Variants in PUS7 observed in about 807,000 individuals in gnomAD.
PUS7 encodes pseudouridylate synthase 7 homolog.
Under a neutral mutation model 79.8 loss-of-function variants are expected in PUS7, and 48 were observed. That is an observed-to-expected ratio of 0.60 (90% confidence interval 0.48 to 0.76). The LOEUF is 0.76. Among genes scored for constraint, PUS7 ranks in the 30% least tolerant of loss-of-function variants. The pLI is 0.00. For missense variants in PUS7, 729 were observed against 797.6 expected (o/e 0.91, Z 1.04); for synonymous variants, 286 against 272.2 (o/e 1.05, Z -0.50).
rs189588274 is a variant in PUS7, at chr7:105,511,108, T to C, written c.-32-2564A>G. Among the ~76,000 whole-genome samples, 113 of 151,824 alleles carry C rather than the reference T, an allele frequency of 7.4e-4. 1 individual carries two copies. Among genetic ancestry groups the C allele is most frequent in the African/African-American group, 2.6e-3 (109 of 41,558 alleles). On this transcript the variant is annotated intron_variant, in intron 1 of 15. Coordinates refer to ENST00000469408, the MANE Select transcript of PUS7 (RefSeq NM_019042.5). ...GTGCAGTGGCACGATCTTGGCTTACTGCAAGCTCCGCCTCCCAGGTTCACA... is the reference window on the plus strand; with the variant it reads ...GTGCAGTGGCACGATCTTGGCTTACCGCAAGCTCCGCCTCCCAGGTTCACA...
intron 1 of PUS7, among the ~76,000 whole-genome samples, chr7:105,520,734 C>A (rs1326762265): frequency 3.3e-5 from 5 of 151,020 alleles, no homozygotes; most frequent in South Asian, 2.1e-4. Context: ...AAAAATAAAT[C>A]AAAAAACAAA....
At chr7:105,484,510 T>TA (rs35983237) in intron 7 of PUS7, among the ~76,000 whole-genome samples, 17 of 143,544 alleles carry the variant, frequency 1.2e-4, no homozygotes, top group African/African-American at 3.8e-4. Context: ...CTTTTTTTCT[T>TA]AAAAAAAAAA....
At chr7:105,479,355 C>T (rs139587257) in intron 9 of PUS7, among the ~76,000 whole-genome samples, 2 of 152,152 alleles carry the variant, frequency 1.3e-5, no homozygotes, top group East Asian at 3.9e-4. Context: ...ACTGGAAGCC[C>T]GGAAAACTCT....
intron 1 of PUS7, among the ~76,000 whole-genome samples, chr7:105,514,732 T>TCAGATTA (rs1825827264): frequency 6.6e-6 from 1 of 152,226 alleles, no homozygotes; most frequent in Non-Finnish European, 1.5e-5. Flanking sequence ...AATTTGTTTT[T>TCAGATTA]CAGATTACAG....
chr7:105,474,222 C>T (rs893601740), intron 9 of PUS7, among the ~76,000 whole-genome samples: 3 of 152,064 alleles, frequency 2.0e-5, no homozygotes, highest in Admixed American at 6.6e-5. Context: ...ATCTAAAATG[C>T]TATTTGGTAT....
chr7:105,465,631 G>A (rs964942303), intron 12 of PUS7, among the ~76,000 whole-genome samples: 1 of 151,266 alleles, frequency 6.6e-6, no homozygotes, highest in African/African-American at 2.4e-5. Flanking sequence ...TTGGGAGTTC[G>A]AGACCAGCCT....
At chr7:105,508,665 AG>A in intron 1 of PUS7, 121 bp from the exon 2 acceptor site, 1 of 1,318,390 alleles carries the variant, frequency 7.6e-7, no homozygotes, top group African/African-American at 1.5e-5. Flanking sequence ...AGATCACTTG[AG>A]GTCAGGAGTT....
At chr7:105,475,941 A>G (rs557803802) in intron 9 of PUS7, among the ~76,000 whole-genome samples, 4 of 152,020 alleles carry the variant, frequency 2.6e-5, no homozygotes, top group Non-Finnish European at 5.9e-5. Flanking sequence ...AAATCGTACC[A>G]TATTTGTTCT....
chr7:105,506,899 A>G (rs2133247762), intron 2 of PUS7, among the ~76,000 whole-genome samples: 1 of 152,306 alleles, frequency 6.6e-6, no homozygotes, highest in East Asian at 1.9e-4. Context: ...ATCACAAAAT[A>G]TGCTATATGG....
At chr7:105,489,134 C>G (rs1449117335) in intron 7 of PUS7, among the ~76,000 whole-genome samples, 1 of 96,184 alleles carries the variant, frequency 1.0e-5, no homozygotes, top group Non-Finnish European at 1.8e-5. Context: ...GGCAACAGAG[C>G]GAAACTCCAT....
At chr7:105,475,851 AC>A (rs1312865675) in intron 9 of PUS7, among the ~76,000 whole-genome samples, 1 of 151,854 alleles carries the variant, frequency 6.6e-6, no homozygotes, top group Non-Finnish European at 1.5e-5. Context: ...ATCCCTATCC[AC>A]CCAGCCCCCT....
At chr7:105,518,320 A>T (rs1309103266) in intron 1 of PUS7, among the ~76,000 whole-genome samples, 1 of 152,066 alleles carries the variant, frequency 6.6e-6, no homozygotes, top group African/African-American at 2.4e-5. Context: ...CAAAAAAAAA[A>T]TAAAATCCTT....
At chr7:105,477,842 C>T (rs1348061708) in intron 9 of PUS7, among the ~76,000 whole-genome samples, 1 of 152,102 alleles carries the variant, frequency 6.6e-6, no homozygotes, top group Non-Finnish European at 1.5e-5. Context: ...CTTGCTCTGT[C>T]ATCTAGGCCA....
In PUS7 at chr7:105,485,266, A is replaced by G. The variant is rs112132925; in HGVS notation, c.921-2826T>C. Among the ~76,000 whole-genome samples, 793 of 152,072 alleles carry G rather than the reference A, an allele frequency of 5.2e-3. 14 individuals are homozygous for G. Among genetic ancestry groups the G allele is most frequent in the African/African-American group, 0.018 (744 of 41,472 alleles). On this transcript the variant is annotated intron_variant, in intron 7 of 15. Coordinates refer to ENST00000469408, the MANE Select transcript of PUS7 (RefSeq NM_019042.5). ...TGCTCTTTGCCCAGGCTGGAGCGCA[A>G]TGGCGCGATCTTGGCTCACTGCAAC...
chr7:105,519,998 T>C (rs1050180373), intron 1 of PUS7, among the ~76,000 whole-genome samples: 1 of 152,212 alleles, frequency 6.6e-6, no homozygotes, highest in Non-Finnish European at 1.5e-5. Context: ...GCTTCATTAA[T>C]ACAGTACATG....
rs1234172121 is a variant in PUS7 at position 105,456,789 on chromosome 7, A to C, written c.*1001T>G. ...TCTCTACCATTATTTATTTTTGAGC[A>C]AATACCAGTCCAGTGGAAAGAGTTC... On this transcript the variant is annotated 3_prime_UTR_variant, in exon 16 of 16. Coordinates refer to ENST00000469408, the MANE Select transcript of PUS7 (RefSeq NM_019042.5). 2.0e-5 allele frequency: 3 copies of C among 152,178 alleles called. No homozygotes were observed. The South Asian group carries it at 6.2e-4, about 31-fold the overall frequency. The allele number at this position is 152,178 out of a possible 1,614,324, so 9.4% of individuals were successfully genotyped here.
intron 1 of PUS7, among the ~76,000 whole-genome samples, chr7:105,510,283 A>C (rs760018984): frequency 1.3e-5 from 2 of 152,028 alleles, no homozygotes; most frequent in Non-Finnish European, 2.9e-5. Flanking sequence ...CTGGGCAACA[A>C]GAGCAAAACT....
intron 7 of PUS7, among the ~76,000 whole-genome samples, chr7:105,486,548 A>G (rs751356054): frequency 2.0e-5 from 3 of 152,174 alleles, no homozygotes; most frequent in Non-Finnish European, 4.4e-5. Context: ...TTGTATCCCA[A>G]GGAATCTAGA....
At chr7:105,484,142 G>A (rs867261733) in intron 7 of PUS7, among the ~76,000 whole-genome samples, 5 of 152,080 alleles carry the variant, frequency 3.3e-5, no homozygotes, top group Admixed American at 6.6e-5. Context: ...GAGTCTCTTT[G>A]TCTTTGCTTT....
Sources: gnomAD v4.1 joint callset for allele counts (sites outside exome capture counted in the v4.1 genomes callset) on GRCh38, gnomAD v4.1.1 for gene constraint, MANE v1.5 for transcripts, NCBI Gene and HGNC (gene_info 2026-07-23, HGNC 2026-07-21) for gene names.